The following MAML2 variants were observed in gnomAD, a reference collection of about 807,000 sequenced individuals.
MAML2 encodes the protein mastermind like transcriptional coactivator 2.
Under a neutral mutation model 96.1 loss-of-function variants are expected in MAML2, and 22 were observed. The ratio of observed to expected loss-of-function variants is 0.23; its 90% CI spans 0.16 to 0.33. The LOEUF (loss-of-function observed/expected upper bound fraction) is 0.33. MAML2 is among the 10% of genes least tolerant of loss of function. The probability of loss-of-function intolerance (pLI) is 1.00; values close to 1 mark genes in which losing one functional copy is unlikely to be tolerated. For missense variants in MAML2, 1,367 were observed against 1,392.4 expected (o/e 0.98, Z 0.29); for synonymous variants, 561 against 521.3 (o/e 1.08, Z -1.04).
rs114365301 is a variant in MAML2, at chr11:96,116,449, G to A, written c.514-22932C>T. On this transcript the variant is annotated intron_variant, in intron 1 of 4. Coordinates refer to ENST00000524717, the MANE Select transcript of MAML2 (RefSeq NM_032427.4). Reference sequence around the variant, plus strand: ...TTGGCTCCCTGTATTGCAGTGGGACGCAAACAGAGTCAGCCTGTAGCACGA... The same window carrying A: ...TTGGCTCCCTGTATTGCAGTGGGACACAAACAGAGTCAGCCTGTAGCACGA... Among the ~76,000 whole-genome samples the A allele has an allele frequency of 1.6e-3, 243 of 152,268 alleles. 1 individual carries two copies. Among genetic ancestry groups the A allele is most frequent in the African/African-American group, 5.3e-3 (222 of 41,558 alleles).
At chr11:96,028,327 C>T (rs578107564) in intron 2 of MAML2, among the ~76,000 whole-genome samples, 1 of 152,196 alleles carries the variant, frequency 6.6e-6, no homozygotes, top group Non-Finnish European at 1.5e-5. Context: ...CATTTTACCA[C>T]GTTTTCCTCA....
chr11:96,202,730 C>G (rs73527576), intron 1 of MAML2, among the ~76,000 whole-genome samples: 3 of 151,974 alleles, frequency 2.0e-5, no homozygotes, highest in East Asian at 1.9e-4. Context: ...CGGGTTCAAG[C>G]GATTCTCCTG....
At chr11:95,994,361 C>T (rs1203637750) in intron 2 of MAML2, among the ~76,000 whole-genome samples, 1 of 152,216 alleles carries the variant, frequency 6.6e-6, no homozygotes, top group Admixed American at 6.5e-5. Context: ...TTAAATCCAT[C>T]ATGAATTTCG....
chr11:95,998,174 G>GTCTGTCTGTCTGTCTGTCTA lies in MAML2; in HGVS notation c.2140-6452_2140-6451insTAGACAGACAGACAGACAGA, dbSNP rs139615820. Among the ~76,000 whole-genome samples, 682 of 147,776 alleles carry GTCTGTCTGTCTGTCTGTCTA rather than the reference G, an allele frequency of 4.6e-3. 8 individuals carry two copies. Among genetic ancestry groups the GTCTGTCTGTCTGTCTGTCTA allele is most frequent in the African/African-American group, 0.015 (598 of 39,654 alleles). ...TGTCTGTCTGTCTGTCTGTCTGTCT[G>GTCTGTCTGTCTGTCTGTCTA]TCTATCTATCTATCCACCCCATCCA... On this transcript the variant is annotated intron_variant, in intron 2 of 4. Coordinates refer to ENST00000524717, the MANE Select transcript of MAML2 (RefSeq NM_032427.4).
chr11:96,302,368 C>A lies in MAML2; in HGVS notation c.513+39015G>T, dbSNP rs567639356. 1.6e-4 allele frequency among the ~76,000 whole-genome samples: 25 copies of A among 152,340 alleles called. No homozygotes were observed. In the South Asian group the frequency reaches 5.0e-3, roughly 30 times the overall value. The stretch of plus-strand genomic sequence containing the variant: ...TACTTTCATCTGTTGTTCTGGCTCA[C>A]TCAGCATCCATTCTTCTCTGTGTGC... On this transcript the variant is annotated intron_variant, in intron 1 of 4. Transcript: ENST00000524717.
intron 4 of MAML2, among the ~76,000 whole-genome samples, chr11:95,981,885 A>G (rs1037330959): frequency 3.0e-4 from 46 of 152,206 alleles, no homozygotes; most frequent in African/African-American, 1.1e-3. Flanking sequence ...CTGTATTTTA[A>G]TGATATGGCC....
intron 1 of MAML2, among the ~76,000 whole-genome samples, chr11:96,142,586 A>C (rs570338965): frequency 6.8e-4 from 103 of 152,358 alleles, no homozygotes; most frequent in Middle Eastern, 3.4e-3. Context: ...TTACATAGGC[A>C]AACAGTATTC....
At chr11:95,998,518 T>C (rs753076699) in intron 2 of MAML2, among the ~76,000 whole-genome samples, 1 of 152,180 alleles carries the variant, frequency 6.6e-6, no homozygotes, top group African/African-American at 2.4e-5. Context: ...ACACAGTTCT[T>C]GTTTGCAACG....
chr11:96,151,695 C>T, intron 1 of MAML2, among the ~76,000 whole-genome samples: 1 of 152,182 alleles, frequency 6.6e-6, no homozygotes, highest in East Asian at 1.9e-4. Flanking sequence ...GCATGTAAGA[C>T]ACCCGCTCCT....
chr11:96,109,769 GT>G (rs1167814214), intron 1 of MAML2, among the ~76,000 whole-genome samples: 2 of 152,172 alleles, frequency 1.3e-5, no homozygotes, highest in African/African-American at 4.8e-5. Context: ...TGAGATGTCT[GT>G]GGGGCATGTA....
At chr11:96,001,162 A>G (rs1297734245) in intron 2 of MAML2, among the ~76,000 whole-genome samples, 1 of 152,150 alleles carries the variant, frequency 6.6e-6, no homozygotes, top group African/African-American at 2.4e-5. Context: ...GATGTTACCC[A>G]ATTTTTAAGT....
At chr11:96,337,502 G>C (rs78512306) in intron 1 of MAML2, among the ~76,000 whole-genome samples, 12 of 152,316 alleles carry the variant, frequency 7.9e-5, no homozygotes, top group African/African-American at 2.9e-4. Flanking sequence ...TGTTCTGGGG[G>C]ACACATCTTT....
chr11:96,242,901 T>G (rs370189132), intron 1 of MAML2, among the ~76,000 whole-genome samples: 9 of 152,282 alleles, frequency 5.9e-5, no homozygotes, highest in Admixed American at 4.6e-4. Context: ...TTATATAGGT[T>G]TTTCTTTTAT....
At position 96,259,393 on chromosome 11, in the gene MAML2, T is replaced by C. The variant is rs1207098214; in HGVS notation, c.513+81990A>G. Among the ~76,000 whole-genome samples, 3 of 152,240 alleles carry C rather than the reference T, an allele frequency of 2.0e-5. No individual in the cohort carries two copies. The East Asian group carries it at 5.8e-4, about 29-fold the overall frequency. ...GGCAAGGTGGGGCAAGTGATTCTAA[T>C]GTGCTTCGCTCCAATGCTTCCATCT... On this transcript the variant is annotated intron_variant, in intron 1 of 4. Transcript: ENST00000524717.
At chr11:96,046,600 T>A (rs1015304327) in intron 2 of MAML2, among the ~76,000 whole-genome samples, 3 of 152,160 alleles carry the variant, frequency 2.0e-5, no homozygotes, top group Non-Finnish European at 4.4e-5. Flanking sequence ...AGCCCCTGGA[T>A]TTGAACAGGT....
At chr11:96,161,870 A>G (rs1861109918) in intron 1 of MAML2, among the ~76,000 whole-genome samples, 1 of 152,224 alleles carries the variant, frequency 6.6e-6, no homozygotes, top group Non-Finnish European at 1.5e-5. Context: ...AATCATGGCA[A>G]TAGATGCCCT....
In MAML2 at chr11:95,979,306, C is replaced by A; in HGVS notation, c.3113G>T (p.Gly1038Val). ...PMNQMSQTLN[G>V]QTMGPLRGLN... ...ACCCCTGAGGGGACCCATGGTTTGC[C>A]CATTTAGTGTTTGGCTCATTTGGTT... Residue 1038 changes from glycine (G) to valine (V), a missense_variant, in exon 5 of 5, where the codon GGG (glycine) becomes GTG (valine). Physicochemically the swap from Gly to Val is moderately radical, Grantham distance 109. Transcript: ENST00000524717. 6.2e-7 allele frequency: 1 copy of A among 1,613,816 alleles called. No homozygotes were observed. The highest frequency in any genetic ancestry group is 8.5e-7 in the Non-Finnish European group (1 of 1,179,864).
At chr11:95,994,450 G>A (rs1857960472) in intron 2 of MAML2, among the ~76,000 whole-genome samples, 1 of 152,118 alleles carries the variant, frequency 6.6e-6, no homozygotes, top group African/African-American at 2.4e-5. Context: ...TTGACAGAAT[G>A]GCAAATGAGG....
chr11:96,093,082 A>C lies in MAML2; in HGVS notation c.949T>G (p.Ser317Ala). 6.2e-7 allele frequency: 1 copy of C among 1,613,950 alleles called. No individual in the cohort carries two copies. The highest frequency in any genetic ancestry group is 1.1e-5 in the South Asian group (1 of 91,078). The change falls in exon 2 of 5, where the codon TCT (serine) becomes GCT (alanine). Residue 317 changes from serine to alanine, a missense_variant. Physicochemically the swap from Ser to Ala is moderately conservative, Grantham distance 99 (BLOSUM62 1). Coordinates refer to ENST00000524717, the MANE Select transcript of MAML2 (RefSeq NM_032427.4). ...QELFNELTNISVPPMSDLELE... is the reference protein window; with the variant it reads ...QELFNELTNIAVPPMSDLELE... ...TCAAGGTCACTCATGGGAGGCACAG[A>C]TATGTTGGTCAGTTCATTGAACAGT... is the stretch of plus-strand genomic sequence containing the variant.
Sources: allele counts gnomAD v4.1 joint callset (sites outside exome capture counted in the v4.1 genomes callset), GRCh38; gene constraint gnomAD v4.1.1; transcripts MANE v1.5; gene names NCBI Gene and HGNC (gene_info 2026-07-23, HGNC 2026-07-21).